The following ROBO2 variants were observed in gnomAD, a reference collection of about 807,000 sequenced individuals.
ROBO2 encodes roundabout homolog 2.
ROBO2 carries 53 observed loss-of-function variants against 160.8 expected under a neutral mutation model. The observed-to-expected ratio is 0.33, with a 90% CI of 0.26 to 0.41. The LOEUF is 0.41. ROBO2 is among the 10% of genes least tolerant of loss of function. The pLI, the probability that ROBO2 is intolerant of heterozygous loss-of-function variation, is 1.00. For synonymous variants in ROBO2, 664 were observed against 611.7 expected (o/e 1.09, Z -1.26); for missense variants, 1,577 against 1,722.4 (o/e 0.92, Z 1.49).
At chr3:76,811,838 TTTCCTTCC>T (rs59218956) in intron 2 of ROBO2, among the ~76,000 whole-genome samples, 619 of 33,368 alleles carry the variant, frequency 0.019, 18 homozygotes, top group Middle Eastern at 0.079. Context: ...TCCTTCCTTC[TTTCCTTCC>T]TTCCTTCCTT....
chr3:76,696,342 A>G (rs950079688), intron 2 of ROBO2, among the ~76,000 whole-genome samples: 1 of 151,364 alleles, frequency 6.6e-6, no homozygotes, highest in African/African-American at 2.4e-5. Flanking sequence ...TTACCCCTAG[A>G]CACTTATTTT....
chr3:77,551,427 T>G (rs1208854545), intron 8 of ROBO2, among the ~76,000 whole-genome samples: 1 of 152,086 alleles, frequency 6.6e-6, no homozygotes, highest in African/African-American at 2.4e-5. Context: ...CCTATGATTT[T>G]AATTATGCAT....
intron 2 of ROBO2, among the ~76,000 whole-genome samples, chr3:76,661,364 A>T (rs184205899): frequency 6.6e-6 from 1 of 152,314 alleles, no homozygotes; most frequent in Admixed American, 6.5e-5. Flanking sequence ...TAAACCAAAA[A>T]GTATCTGAGA....
Position 77,477,330 on chromosome 3 carries a change from A to G in ROBO2, c.389-84A>G, listed in dbSNP as rs1355341561. 9.3e-6 allele frequency: 13 copies of G among 1,403,378 alleles called. 1 individual carries two copies. In the Middle Eastern group the frequency reaches 2.2e-3, roughly 238 times the overall value. The allele number at this position is 1,403,378 out of a possible 1,614,324, so 86.9% of individuals were successfully genotyped here. On this transcript the variant is annotated intron_variant, in intron 2 of 25. Transcript: ENST00000461745. Reference sequence around the variant, plus strand: ...AGGCAATTTTTACTAGAACAAGGTAAACAAGACTTGAAGTTACCTTGTACA... The same window carrying G: ...AGGCAATTTTTACTAGAACAAGGTAGACAAGACTTGAAGTTACCTTGTACA...
intron 6 of ROBO2, among the ~76,000 whole-genome samples, chr3:77,533,645 G>T (rs2091906010): frequency 1.3e-5 from 2 of 152,116 alleles, no homozygotes; most frequent in Non-Finnish European, 2.9e-5. Context: ...ATAGCCAGCG[G>T]GGGCACCCTG....
At chr3:77,292,232 C>T (rs2061381776) in intron 2 of ROBO2, among the ~76,000 whole-genome samples, 1 of 139,152 alleles carries the variant, frequency 7.2e-6, no homozygotes, top group African/African-American at 2.7e-5. Context: ...CTAGATCACC[C>T]CAGATGTAAA....
At chr3:77,539,280 T>C (rs1009039432) in intron 6 of ROBO2, among the ~76,000 whole-genome samples, 8 of 152,196 alleles carry the variant, frequency 5.3e-5, no homozygotes, top group African/African-American at 1.9e-4. Flanking sequence ...TGTAGTGCTT[T>C]TGTTACTCTG....
At chr3:76,035,226 C>A (rs1207570372) in intron 2 of ROBO2, among the ~76,000 whole-genome samples, 1 of 147,146 alleles carries the variant, frequency 6.8e-6, no homozygotes, top group African/African-American at 2.5e-5. Flanking sequence ...CTTCCTAGGA[C>A]AATGTCTGGC....
intron 2 of ROBO2, among the ~76,000 whole-genome samples, chr3:76,335,061 G>T (rs1330924698): frequency 6.6e-6 from 1 of 151,140 alleles, no homozygotes; most frequent in Non-Finnish European, 1.5e-5. Flanking sequence ...GTAGAGACAG[G>T]GTCTTGAAAT....
At chr3:76,260,454 A>G (rs550764827) in intron 2 of ROBO2, among the ~76,000 whole-genome samples, 3 of 152,248 alleles carry the variant, frequency 2.0e-5, no homozygotes, top group African/African-American at 7.2e-5. Context: ...CTAAAAATAC[A>G]TCTTTGCTTT....
intron 2 of ROBO2, among the ~76,000 whole-genome samples, chr3:76,289,042 G>A (rs72630395): frequency 0.1 from 15,410 of 152,150 alleles, 1,587 homozygotes; most frequent in East Asian, 0.41. Flanking sequence ...AATGGTAGTT[G>A]TGTTTTAAGA....
intron 2 of ROBO2, among the ~76,000 whole-genome samples, chr3:76,330,939 A>T (rs994180441): frequency 2.0e-5 from 3 of 152,250 alleles, no homozygotes; most frequent in African/African-American, 7.2e-5. Context: ...AGAAATGTTC[A>T]TTGCTAGACA....
At chr3:76,147,119 A>T (rs2071940348) in intron 2 of ROBO2, among the ~76,000 whole-genome samples, 1 of 151,830 alleles carries the variant, frequency 6.6e-6, no homozygotes, top group African/African-American at 2.4e-5. Flanking sequence ...ACTTAAAAGA[A>T]AAGTTAAAAA....
intron 23 of ROBO2, chr3:77,633,455 A>G (rs2095208517): frequency 6.6e-6 from 1 of 152,220 alleles, no homozygotes; most frequent in Non-Finnish European, 1.5e-5. Context: ...TTACATTTGT[A>G]TGTATAATTC....
chr3:76,064,571 C>T (rs1327994231), intron 2 of ROBO2, among the ~76,000 whole-genome samples: 1 of 152,168 alleles, frequency 6.6e-6, no homozygotes, highest in African/African-American at 2.4e-5. Flanking sequence ...ATATGATTAG[C>T]TCTCTAACAA....
At chr3:77,320,812 T>C (rs2064605832) in intron 2 of ROBO2, among the ~76,000 whole-genome samples, 1 of 152,226 alleles carries the variant, frequency 6.6e-6, no homozygotes, top group Non-Finnish European at 1.5e-5. Flanking sequence ...TTTTGTTATC[T>C]CTTTTTAAAA....
intron 2 of ROBO2, among the ~76,000 whole-genome samples, chr3:76,099,443 T>C (rs1200047755): frequency 1.3e-5 from 2 of 152,182 alleles, no homozygotes; most frequent in Non-Finnish European, 2.9e-5. Flanking sequence ...GTTCATTTTT[T>C]CTAAGGCATG....
chr3:77,102,075 A>G (rs1052430632), intron 2 of ROBO2, among the ~76,000 whole-genome samples: 1 of 152,144 alleles, frequency 6.6e-6, no homozygotes. Flanking sequence ...AACATGGTTG[A>G]CACGATGCAA....
intron 2 of ROBO2, among the ~76,000 whole-genome samples, chr3:76,232,828 C>T (rs925000680): frequency 5.9e-5 from 9 of 152,138 alleles, no homozygotes; most frequent in Non-Finnish European, 8.8e-5. Context: ...AAACCTTTCA[C>T]TCCCTCCCAC....
Sources: allele counts gnomAD v4.1 joint callset (sites outside exome capture counted in the v4.1 genomes callset), GRCh38; gene constraint gnomAD v4.1.1; transcripts MANE v1.5; gene names NCBI Gene and HGNC (gene_info 2026-07-23, HGNC 2026-07-21).